ELF1: variants seen among roughly 807,000 people sequenced by gnomAD.
The protein encoded by ELF1 is E74 like ETS transcription factor 1.
In ELF1, 24 loss-of-function variants were observed where a neutral mutation model predicts 59.9. The observed-to-expected ratio is 0.40, with a 90% CI of 0.29 to 0.56. ELF1 has a LOEUF of 0.56. ELF1 is among the 20% of genes least tolerant of loss of function. The pLI is 0.44. For missense variants in ELF1, 627 were observed against 742.2 expected (o/e 0.84, Z 1.80); for synonymous variants, 248 against 266.2 (o/e 0.93, Z 0.67).
chr13:40,948,942 T>C (rs1870672182), intron 5 of ELF1, among the ~76,000 whole-genome samples: 1 of 152,232 alleles, frequency 6.6e-6, no homozygotes, highest in African/African-American at 2.4e-5. Flanking sequence ...ATCCCTTTTC[T>C]GTAAGATAGA....
At chr13:40,989,903 T>C (rs1423410396) in intron 1 of ELF1, among the ~76,000 whole-genome samples, 1 of 152,236 alleles carries the variant, frequency 6.6e-6, no homozygotes, top group Non-Finnish European at 1.5e-5. Flanking sequence ...ATTCAATTTA[T>C]TGAGTATCCA....
intron 3 of ELF1, among the ~76,000 whole-genome samples, chr13:40,955,928 C>T (rs1213632333): frequency 2.3e-5 from 3 of 129,366 alleles, no homozygotes; most frequent in African/African-American, 5.8e-5. Flanking sequence ...CCCGGCCAGC[C>T]GCCCCGTCCG....
At chr13:41,030,518 G>A (rs964104312) in intron 1 of ELF1, among the ~76,000 whole-genome samples, 1 of 152,096 alleles carries the variant, frequency 6.6e-6, no homozygotes, top group African/African-American at 2.4e-5. Flanking sequence ...TAAGGTAGGA[G>A]GATCACTTGA....
intron 1 of ELF1, among the ~76,000 whole-genome samples, chr13:41,036,053 C>T (rs1236275654): frequency 1.3e-5 from 2 of 151,722 alleles, no homozygotes; most frequent in East Asian, 1.9e-4. Flanking sequence ...CACAGGTGCC[C>T]GCCACCACGC....
At chr13:41,031,908 CAT>C (rs1876180271) in intron 1 of ELF1, among the ~76,000 whole-genome samples, 1 of 147,742 alleles carries the variant, frequency 6.8e-6, no homozygotes, top group South Asian at 2.1e-4. Flanking sequence ...CCCAGAATAA[CAT>C]AGAAGTTTTA....
intron 1 of ELF1, among the ~76,000 whole-genome samples, chr13:41,033,710 GAGGT>G (rs1876262036): frequency 6.6e-6 from 1 of 152,176 alleles, no homozygotes; most frequent in Non-Finnish European, 1.5e-5. Context: ...CCAATGATTT[GAGGT>G]GGAACAGTTT....
chr13:41,046,236 C>T (rs562311988), intron 1 of ELF1, among the ~76,000 whole-genome samples: 1 of 152,148 alleles, frequency 6.6e-6, no homozygotes, highest in East Asian at 1.9e-4. Context: ...GACTCTTTAC[C>T]CAATTTGCCA....
chr13:40,981,348 T>A (rs947708733), intron 2 of ELF1, among the ~76,000 whole-genome samples: 3 of 151,958 alleles, frequency 2.0e-5, no homozygotes, highest in African/African-American at 7.2e-5. Context: ...GTGTGTGTTG[T>A]GGGGAGGGGG....
At chr13:40,952,222 A>C (rs1470169614) in intron 3 of ELF1, among the ~76,000 whole-genome samples, 1 of 151,862 alleles carries the variant, frequency 6.6e-6, no homozygotes, top group African/African-American at 2.4e-5. Context: ...ACCCCCTCTA[A>C]CTGAGTAGTC....
chr13:41,042,445 C>T (rs547690799), intron 1 of ELF1, among the ~76,000 whole-genome samples: 1 of 152,178 alleles, frequency 6.6e-6, no homozygotes, highest in Non-Finnish European at 1.5e-5. Context: ...TGTCCTAATG[C>T]TATCCCTCCC....
chr13:41,047,016 GC>G (rs1402933126), intron 1 of ELF1, among the ~76,000 whole-genome samples: 1 of 151,790 alleles, frequency 6.6e-6, no homozygotes, highest in Non-Finnish European at 1.5e-5. Flanking sequence ...TTCTCTTCTC[GC>G]TTCATTTATT....
chr13:40,970,587 G>C (rs74045931), intron 2 of ELF1, among the ~76,000 whole-genome samples: 1,763 of 152,286 alleles, frequency 0.012, 22 homozygotes, highest in East Asian at 0.05. Context: ...AGGTTAACAT[G>C]CAAAGATGCT....
At chr13:40,965,447 C>A (rs916002615) in intron 2 of ELF1, among the ~76,000 whole-genome samples, 2 of 152,014 alleles carry the variant, frequency 1.3e-5, no homozygotes, top group African/African-American at 4.8e-5. Context: ...CATGAAGAAA[C>A]CTCATCTCTA....
intron 2 of ELF1, among the ~76,000 whole-genome samples, chr13:40,976,928 T>C (rs1872946527): frequency 6.6e-6 from 1 of 152,160 alleles, no homozygotes; most frequent in Admixed American, 6.5e-5. Context: ...ACTACCTTCT[T>C]ATATTGTGAT....
intron 1 of ELF1, among the ~76,000 whole-genome samples, chr13:41,016,888 T>C (rs1875396801): frequency 9.4e-6 from 1 of 106,324 alleles, no homozygotes; most frequent in Non-Finnish European, 1.7e-5. Flanking sequence ...CACTCCAGCA[T>C]GGGCAACAAG....
chr13:40,954,970 T>G (rs1213921606), intron 3 of ELF1, among the ~76,000 whole-genome samples: 1 of 144,744 alleles, frequency 6.9e-6, no homozygotes, highest in Non-Finnish European at 1.5e-5. Flanking sequence ...GAGGAGCGTC[T>G]CTGCCCGGCC....
At chr13:40,954,592 C>T (rs1309947509) in intron 3 of ELF1, among the ~76,000 whole-genome samples, 5 of 151,960 alleles carry the variant, frequency 3.3e-5, no homozygotes, top group East Asian at 3.9e-4. Context: ...CGATTGCAGG[C>T]GCGCGCCGCC....
At chr13:41,028,812 C>A (rs1483923534) in intron 1 of ELF1, among the ~76,000 whole-genome samples, 2 of 152,188 alleles carry the variant, frequency 1.3e-5, no homozygotes, top group Non-Finnish European at 2.9e-5. Flanking sequence ...TGGTTCACTG[C>A]AACCTCTGCC....
At chr13:40,951,058 T>A (rs1021989015) in intron 4 of ELF1, among the ~76,000 whole-genome samples, 2 of 152,186 alleles carry the variant, frequency 1.3e-5, no homozygotes, top group African/African-American at 2.4e-5. Flanking sequence ...AATACTCTCA[T>A]CAATATGTTA....
Sources: allele counts gnomAD v4.1 joint callset (sites outside exome capture counted in the v4.1 genomes callset), GRCh38; gene constraint gnomAD v4.1.1; transcripts MANE v1.5; gene names NCBI Gene and HGNC (gene_info 2026-07-23, HGNC 2026-07-21).